The following PARD3B variants were observed in gnomAD, a reference collection of about 807,000 sequenced individuals.
The protein encoded by PARD3B is partitioning defective 3 homolog B.
Under a neutral mutation model 130.2 loss-of-function variants are expected in PARD3B, and 103 were observed. That is an observed-to-expected ratio of 0.79 (90% confidence interval 0.67 to 0.93). PARD3B has a LOEUF of 0.93. Ranked by LOEUF, PARD3B falls within the 40% of genes least tolerant of loss-of-function variation. The pLI is 0.00. For synonymous variants in PARD3B, 583 were observed against 553.2 expected (o/e 1.05, Z -0.76); for missense variants, 1,609 against 1,499.2 (o/e 1.07, Z -1.21).
chr2:204,665,429 G>T (rs1277482656), intron 1 of PARD3B, among the ~76,000 whole-genome samples: 1 of 152,132 alleles, frequency 6.6e-6, no homozygotes, highest in Non-Finnish European at 1.5e-5. Flanking sequence ...CCCAATGGCA[G>T]ATTTTCTTAT....
intron 19 of PARD3B, among the ~76,000 whole-genome samples, chr2:205,419,836 T>G (rs928902507): frequency 2.0e-5 from 3 of 152,176 alleles, no homozygotes; most frequent in Non-Finnish European, 2.9e-5. Context: ...TACTTCATTG[T>G]GATTCCTCCA....
chr2:204,730,148 C>T (rs1401575346), intron 2 of PARD3B, among the ~76,000 whole-genome samples: 1 of 152,088 alleles, frequency 6.6e-6, no homozygotes, highest in Non-Finnish European at 1.5e-5. Flanking sequence ...AATCTTGGCT[C>T]ACTGCAACCT....
chr2:204,925,867 TGAGTGAATTCTC>T (rs1206059812), intron 2 of PARD3B, among the ~76,000 whole-genome samples: 1 of 152,050 alleles, frequency 6.6e-6, no homozygotes, highest in Non-Finnish European at 1.5e-5. Flanking sequence ...TTTGTGATAA[TGAGTGAATTCTC>T]ATGAGATCTG....
At chr2:204,794,342 A>T (rs900360610) in intron 2 of PARD3B, among the ~76,000 whole-genome samples, 61 of 152,222 alleles carry the variant, frequency 4.0e-4, no homozygotes, top group African/African-American at 1.3e-3. Context: ...TAATACATTA[A>T]TGAAAGTAAC....
chr2:205,049,280 A>G (rs1021711159), intron 4 of PARD3B, among the ~76,000 whole-genome samples: 8 of 152,184 alleles, frequency 5.3e-5, no homozygotes, highest in African/African-American at 1.9e-4. Context: ...CTGGAAACTT[A>G]AAATCATGGT....
chr2:205,382,985 C>A (rs2045507901), intron 18 of PARD3B, among the ~76,000 whole-genome samples: 1 of 151,882 alleles, frequency 6.6e-6, no homozygotes, highest in South Asian at 2.1e-4. Context: ...AAGTCTGGCT[C>A]CTTTATTGTA....
At chr2:205,332,591 C>T (rs1415838536) in intron 18 of PARD3B, among the ~76,000 whole-genome samples, 6 of 152,172 alleles carry the variant, frequency 3.9e-5, no homozygotes, top group South Asian at 2.1e-4. Context: ...TTCTGTTCAT[C>T]GCCACCTATC....
chr2:204,989,179 A>G (rs1693430771), intron 3 of PARD3B, among the ~76,000 whole-genome samples: 3 of 152,262 alleles, frequency 2.0e-5, no homozygotes, highest in Admixed American at 6.5e-5. Flanking sequence ...GGTAAGTTCA[A>G]GGACGATTTT....
intron 10 of PARD3B, among the ~76,000 whole-genome samples, chr2:205,153,800 A>G (rs886836506): frequency 6.6e-6 from 1 of 152,198 alleles, no homozygotes; most frequent in Non-Finnish European, 1.5e-5. Flanking sequence ...TGGGGAAAGG[A>G]TTCCCTATTT....
intron 1 of PARD3B, among the ~76,000 whole-genome samples, chr2:204,592,730 C>T (rs965983939): frequency 2.0e-5 from 3 of 152,176 alleles, no homozygotes; most frequent in Admixed American, 1.3e-4. Context: ...GGAATGCTCT[C>T]ATACATTCTT....
At chr2:204,754,756 C>A (rs2040596432) in intron 2 of PARD3B, among the ~76,000 whole-genome samples, 1 of 152,062 alleles carries the variant, frequency 6.6e-6, no homozygotes, top group African/African-American at 2.4e-5. Flanking sequence ...CACATTTGAC[C>A]ATTTGGTTTA....
chr2:205,238,724 T>C (rs2039180824), intron 15 of PARD3B, among the ~76,000 whole-genome samples: 1 of 148,176 alleles, frequency 6.7e-6, no homozygotes, highest in South Asian at 2.1e-4. Flanking sequence ...CCCAGATACT[T>C]GGGAGGCTGA....
intron 20 of PARD3B, among the ~76,000 whole-genome samples, chr2:205,497,215 A>G (rs1367413852): frequency 2.6e-5 from 4 of 151,568 alleles, no homozygotes; most frequent in Non-Finnish European, 4.4e-5. Flanking sequence ...AAAAAAAAAA[A>G]AAAAGAAAGA....
At chr2:204,868,329 A>G (rs2045504784) in intron 2 of PARD3B, among the ~76,000 whole-genome samples, 1 of 152,190 alleles carries the variant, frequency 6.6e-6, no homozygotes, top group African/African-American at 2.4e-5. Flanking sequence ...CACTAGGTTA[A>G]TATTAGTGCC....
intron 3 of PARD3B, among the ~76,000 whole-genome samples, chr2:204,996,628 T>C (rs1160403930): frequency 6.6e-6 from 1 of 150,780 alleles, no homozygotes; most frequent in African/African-American, 2.4e-5. Flanking sequence ...GCTTCCCGGC[T>C]GCTTTGTTTA....
intron 4 of PARD3B, among the ~76,000 whole-genome samples, chr2:205,067,453 G>A (rs1389861455): frequency 6.6e-6 from 1 of 151,968 alleles, no homozygotes; most frequent in Non-Finnish European, 1.5e-5. Context: ...TGTGAGCCAC[G>A]ATACCCAGCC....
chr2:205,201,332 A>T (rs1168636622), intron 15 of PARD3B, among the ~76,000 whole-genome samples: 2 of 151,826 alleles, frequency 1.3e-5, no homozygotes, highest in Non-Finnish European at 2.9e-5. Flanking sequence ...ATCGAAAAGG[A>T]TAACAGTGAT....
intron 22 of PARD3B, among the ~76,000 whole-genome samples, chr2:205,596,879 G>A (rs1019440115): frequency 6.6e-6 from 1 of 152,048 alleles, no homozygotes. Flanking sequence ...CTTTTCACAG[G>A]AAGCTGACAT....
chr2:204,666,248 A>G (rs776328549), intron 1 of PARD3B, among the ~76,000 whole-genome samples: 4 of 152,224 alleles, frequency 2.6e-5, no homozygotes, highest in African/African-American at 9.6e-5. Context: ...GAACAAGGTA[A>G]TGGTGGGTGC....
Sources: gnomAD v4.1 joint callset for allele counts (sites outside exome capture counted in the v4.1 genomes callset) on GRCh38, gnomAD v4.1.1 for gene constraint, MANE v1.5 for transcripts, NCBI Gene and HGNC (gene_info 2026-07-23, HGNC 2026-07-21) for gene names.